VWA3B: variants seen among roughly 807,000 people sequenced by gnomAD.
The protein encoded by VWA3B is von Willebrand factor A domain containing 3B.
VWA3B carries 138 observed loss-of-function variants against 158.3 expected under a neutral mutation model. That is an observed-to-expected ratio of 0.87 (90% CI 0.76 to 1.00). The LOEUF is 1.00. Among genes scored for constraint, VWA3B ranks in the 50% least tolerant of loss-of-function variants. The pLI is 0.00. For synonymous variants in VWA3B, 596 were observed against 587.3 expected (o/e 1.01, Z -0.21); for missense variants, 1,555 against 1,565.1 (o/e 0.99, Z 0.11).
chr2:98,211,572 A>C (rs1040965233), intron 12 of VWA3B, among the ~76,000 whole-genome samples: 2 of 152,216 alleles, frequency 1.3e-5, no homozygotes, highest in Admixed American at 1.3e-4. Context: ...AACCATTATG[A>C]TGCCACAGTG....
chr2:98,232,469 C>G (rs1257551801), intron 16 of VWA3B, among the ~76,000 whole-genome samples: 1 of 151,902 alleles, frequency 6.6e-6, no homozygotes, highest in African/African-American at 2.4e-5. Context: ...TTATGGGTAG[C>G]CTCTTTAAAA....
chr2:98,124,773 A>G (rs1386248328), intron 5 of VWA3B, among the ~76,000 whole-genome samples: 1 of 152,216 alleles, frequency 6.6e-6, no homozygotes, highest in Non-Finnish European at 1.5e-5. Context: ...AGCAGAGGGC[A>G]GTCAGAGTAG....
intron 2 of VWA3B, among the ~76,000 whole-genome samples, chr2:98,102,486 C>T (rs6733613): frequency 0.011 from 1,602 of 152,216 alleles, 44 homozygotes; most frequent in African/African-American, 0.037. Context: ...CCAGACCAGG[C>T]GGCCGGGCAG....
intron 25 of VWA3B, among the ~76,000 whole-genome samples, chr2:98,300,676 T>A (rs1024656074): frequency 2.0e-5 from 3 of 151,962 alleles, no homozygotes; most frequent in Admixed American, 6.6e-5. Flanking sequence ...GGTGTGAGCC[T>A]CCATCTCTGG....
intron 25 of VWA3B, among the ~76,000 whole-genome samples, chr2:98,303,186 C>T (rs186239872): frequency 2.0e-5 from 3 of 151,918 alleles, no homozygotes; most frequent in Non-Finnish European, 4.4e-5. Flanking sequence ...GAGGGGAAGC[C>T]GCAGACCCCA....
intron 19 of VWA3B, among the ~76,000 whole-genome samples, chr2:98,242,070 A>G (rs967799929): frequency 3.9e-5 from 6 of 152,166 alleles, no homozygotes; most frequent in African/African-American, 1.4e-4. Context: ...TTGAAAAGGA[A>G]ACACACTAGA....
intron 8 of VWA3B, among the ~76,000 whole-genome samples, chr2:98,179,786 TTTTC>T (rs202210762): frequency 0.23 from 26,241 of 116,066 alleles, 2,772 homozygotes; most frequent in Middle Eastern, 0.3. Context: ...TTTCTCTTTC[TTTTC>T]TTTCTTTCTT....
In VWA3B at chr2:98,093,151, G is replaced by A; in HGVS notation, c.59G>A (p.Gly20Glu). Reference sequence around the variant, plus strand: ...GAGCAGCAGCTGCAGAGGCAAGAGGGATGGATTAACACCAAAACAGACTTG... The same window carrying A: ...GAGCAGCAGCTGCAGAGGCAAGAGGAATGGATTAACACCAAAACAGACTTG... ...ISEQQLQRQEGWINTKTDLAE... is the reference protein window; with the variant it reads ...ISEQQLQRQEEWINTKTDLAE... Residue 20 changes from glycine (G) to glutamate (E), a missense_variant, in exon 2 of 28, where the codon GGA becomes GAA. Transcript: ENST00000477737. 6.2e-7 allele frequency: 1 copy of A among 1,614,102 alleles called. No individual in the cohort carries two copies. Among genetic ancestry groups the A allele is most frequent in the Non-Finnish European group, 8.5e-7 (1 of 1,180,008 alleles).
At chr2:98,154,991 T>C (rs1362872010) in intron 7 of VWA3B, among the ~76,000 whole-genome samples, 1 of 152,188 alleles carries the variant, frequency 6.6e-6, no homozygotes, top group Non-Finnish European at 1.5e-5. Context: ...GTCAGGAAGG[T>C]ACCAGGGAGA....
intron 7 of VWA3B, among the ~76,000 whole-genome samples, chr2:98,150,347 G>A (rs1420959172): frequency 6.6e-6 from 1 of 152,188 alleles, no homozygotes; most frequent in African/African-American, 2.4e-5. Context: ...CTCTGACAAC[G>A]TGAGCCGCTT....
chr2:98,263,664 A>T (rs1276418338), intron 21 of VWA3B, among the ~76,000 whole-genome samples: 1 of 151,954 alleles, frequency 6.6e-6, no homozygotes, highest in South Asian at 2.1e-4. Context: ...GGATTTTTGC[A>T]TCACTGTTCA....
At chr2:98,144,917 C>G (rs1019204580) in intron 7 of VWA3B, among the ~76,000 whole-genome samples, 2 of 152,230 alleles carry the variant, frequency 1.3e-5, no homozygotes, top group Admixed American at 6.5e-5. Context: ...AAAGGACAGC[C>G]TGGCTGCTAC....
At chr2:98,286,877 T>C (rs564963994) in intron 22 of VWA3B, among the ~76,000 whole-genome samples, 2 of 152,092 alleles carry the variant, frequency 1.3e-5, no homozygotes, top group Non-Finnish European at 2.9e-5. Flanking sequence ...GGTTTATTAA[T>C]ATATACCCAG....
At chr2:98,304,833 A>G (rs1225385581) in intron 26 of VWA3B, among the ~76,000 whole-genome samples, 1 of 151,928 alleles carries the variant, frequency 6.6e-6, no homozygotes, top group Non-Finnish European at 1.5e-5. Context: ...GCACCCACAA[A>G]CACACACACT....
intron 10 of VWA3B, among the ~76,000 whole-genome samples, chr2:98,190,958 C>A (rs1162555836): frequency 6.6e-6 from 1 of 152,092 alleles, no homozygotes; most frequent in Non-Finnish European, 1.5e-5. Context: ...TCTTCTCCTT[C>A]TTCTACTTTG....
chr2:98,113,434 G>A lies in VWA3B; in HGVS notation c.197-2218G>A, dbSNP rs572332148. 5.7e-4 allele frequency among the ~76,000 whole-genome samples: 86 copies of A among 151,742 alleles called. 1 individual carries two copies. The South Asian group carries it at 0.018, about 31-fold the overall frequency. ...GATACTGTATTTTTATCCACATTTG[G>A]TTGAAAAAAATCTGCATATAAGTAG... On this transcript the variant is annotated intron_variant, in intron 2 of 27. Transcript: ENST00000477737.
chr2:98,309,189 GA>G (rs993217286), intron 26 of VWA3B, among the ~76,000 whole-genome samples: 4 of 149,476 alleles, frequency 2.7e-5, no homozygotes, highest in Admixed American at 1.3e-4. Flanking sequence ...AAAGAAAAAA[GA>G]AAAAAAAGCC....
chr2:98,267,377 C>T (rs1687910643), intron 21 of VWA3B, among the ~76,000 whole-genome samples: 1 of 152,064 alleles, frequency 6.6e-6, no homozygotes, highest in African/African-American at 2.4e-5. Flanking sequence ...TTGAACCAGC[C>T]TTGCATCTCA....
At chr2:98,296,579 T>C (rs1689811721) in intron 23 of VWA3B, among the ~76,000 whole-genome samples, 1 of 152,176 alleles carries the variant, frequency 6.6e-6, no homozygotes, top group South Asian at 2.1e-4. Flanking sequence ...TCAGCAGCTA[T>C]CTCTTTGCCC....
Sources: gnomAD v4.1 joint callset for allele counts (sites outside exome capture counted in the v4.1 genomes callset) on GRCh38, gnomAD v4.1.1 for gene constraint, MANE v1.5 for transcripts, NCBI Gene and HGNC (gene_info 2026-07-23, HGNC 2026-07-21) for gene names.